XKR9: variants seen among roughly 807,000 people sequenced by gnomAD.
XKR9 encodes XK related 9.
Under a neutral mutation model 32.0 loss-of-function variants are expected in XKR9, and 32 were observed. That is an observed-to-expected ratio of 1.00 (90% CI 0.76 to 1.34). XKR9 has a LOEUF of 1.34. XKR9 is among the 40% of genes most tolerant of loss of function. XKR9 has a pLI of 0.00. For missense variants in XKR9, 546 were observed against 429.7 expected, an observed-to-expected ratio of 1.27 and a Z score of -2.39; for synonymous variants, 168 against 143.4, an observed-to-expected ratio of 1.17 and a Z score of -1.22.
the XKR9 span, among the ~76,000 whole-genome samples, chr8:70,851,073 C>A: frequency 3.3e-4 from 50 of 152,200 alleles, no homozygotes; most frequent in Non-Finnish European, 5.4e-4. Context: ...TGATAAGCAA[C>A]TTCAGCAAAG....
chr8:71,003,327 G>A, the XKR9 span, among the ~76,000 whole-genome samples: 2 of 152,256 alleles, frequency 1.3e-5, no homozygotes, highest in South Asian at 2.1e-4. Flanking sequence ...ATGAAATAAC[G>A]AGCAATTCTT....
the XKR9 span, among the ~76,000 whole-genome samples, chr8:71,022,339 T>C: frequency 6.6e-6 from 1 of 152,230 alleles, no homozygotes; most frequent in Non-Finnish European, 1.5e-5. Flanking sequence ...CTTTAGTTTT[T>C]GCTTGTCTGA....
chr8:70,875,295 C>T, the XKR9 span, among the ~76,000 whole-genome samples: 2 of 152,102 alleles, frequency 1.3e-5, no homozygotes, highest in Admixed American at 6.5e-5. Flanking sequence ...AGAATGCCTC[C>T]GTTTATAGCA....
the XKR9 span, among the ~76,000 whole-genome samples, chr8:70,926,819 G>A: frequency 6.6e-6 from 1 of 152,124 alleles, no homozygotes; most frequent in Non-Finnish European, 1.5e-5. Flanking sequence ...CCAGACTATA[G>A]ACTAGGAGTC....
chr8:70,693,343 G>C (rs192961767), intron 3 of XKR9, among the ~76,000 whole-genome samples: 1 of 152,090 alleles, frequency 6.6e-6, no homozygotes, highest in African/African-American at 2.4e-5. Flanking sequence ...AGCTTTGGGG[G>C]TATGATCCAG....
At chr8:70,899,076 G>T in the XKR9 span, among the ~76,000 whole-genome samples, 1,607 of 152,184 alleles carry the variant, frequency 0.011, 13 homozygotes, top group Non-Finnish European at 0.018. Flanking sequence ...ACTATGCCTA[G>T]CTAGAATTTT....
At chr8:70,704,076 G>A (rs187687698) in intron 3 of XKR9, among the ~76,000 whole-genome samples, 4 of 152,154 alleles carry the variant, frequency 2.6e-5, no homozygotes, top group African/African-American at 4.8e-5. Flanking sequence ...CAGCTACTCG[G>A]GAGGCTGAGG....
chr8:70,742,217 T>A (rs1370852132), intron 2 of XKR9, among the ~76,000 whole-genome samples: 1 of 152,190 alleles, frequency 6.6e-6, no homozygotes, highest in Non-Finnish European at 1.5e-5. Context: ...GGGCAAAAAC[T>A]CAGTAATATG....
the XKR9 span, among the ~76,000 whole-genome samples, chr8:70,919,819 G>A: frequency 6.6e-6 from 1 of 152,130 alleles, no homozygotes; most frequent in Non-Finnish European, 1.5e-5. Context: ...GCAGGAAAGG[G>A]GCACCAGATC....
intron 2 of XKR9, among the ~76,000 whole-genome samples, chr8:70,742,383 G>C (rs1025953200): frequency 6.6e-6 from 1 of 152,194 alleles, no homozygotes; most frequent in East Asian, 1.9e-4. Flanking sequence ...TTGTATGTTT[G>C]TGGGGTGAAG....
At chr8:71,041,218 G>A in the XKR9 span, among the ~76,000 whole-genome samples, 2 of 152,210 alleles carry the variant, frequency 1.3e-5, no homozygotes, top group African/African-American at 2.4e-5. Flanking sequence ...AAGAAAGACC[G>A]AGTTCCTGAT....
the XKR9 span, among the ~76,000 whole-genome samples, chr8:70,879,160 G>A: frequency 6.6e-6 from 1 of 151,974 alleles, no homozygotes; most frequent in Non-Finnish European, 1.5e-5. Flanking sequence ...TAAAGCAGTG[G>A]GTAGAGGCAA....
chr8:70,966,186 C>T, the XKR9 span, among the ~76,000 whole-genome samples: 1 of 152,090 alleles, frequency 6.6e-6, no homozygotes, highest in Non-Finnish European at 1.5e-5. Flanking sequence ...AGGAGTCATT[C>T]AGTAGCAGGT....
At chr8:70,998,202 C>T in the XKR9 span, among the ~76,000 whole-genome samples, 1 of 152,200 alleles carries the variant, frequency 6.6e-6, no homozygotes, top group Admixed American at 6.5e-5. Context: ...CCTTTTATCA[C>T]CCGGTATATT....
the XKR9 span, among the ~76,000 whole-genome samples, chr8:70,868,483 C>T: frequency 4.6e-5 from 7 of 150,962 alleles, no homozygotes; most frequent in African/African-American, 7.3e-5. Flanking sequence ...GGGCTTCCAC[C>T]CTCTGAAGCT....
chr8:70,734,278 G>A lies in XKR9; in HGVS notation c.976G>A (p.Val326Ile), dbSNP rs1202608340. The part of the protein sequence containing the change: ...DYFIPISITI[V>I]LTLLLGILFL... ...TTTTATACCTATCAGTATAACTATAGTTCTTACTCTTCTTCTTGGAATTCT... is the reference window on the plus strand; with the variant it reads ...TTTTATACCTATCAGTATAACTATAATTCTTACTCTTCTTCTTGGAATTCT... The change falls in exon 5 of 5, where the codon GTT (valine) becomes ATT (isoleucine). Residue 326 changes from valine (V) to isoleucine (I), a missense_variant. Transcript: ENST00000408926. 5 of 1,612,632 alleles carry A rather than the reference G, an allele frequency of 3.1e-6. No individual in the cohort carries two copies. Among genetic ancestry groups the A allele is most frequent in the Admixed American group, 3.3e-5 (2 of 59,870 alleles).
chr8:70,792,516 C>G (rs944167951), downstream of XKR9, among the ~76,000 whole-genome samples: 1 of 152,040 alleles, frequency 6.6e-6, no homozygotes. Flanking sequence ...GGAAATCAAT[C>G]AGTCAACAAA....
intron 4 of XKR9, among the ~76,000 whole-genome samples, chr8:70,717,585 C>G (rs904923275): frequency 6.6e-6 from 1 of 152,128 alleles, no homozygotes; most frequent in Non-Finnish European, 1.5e-5. Context: ...GGAACCATGT[C>G]CTGAGGCTGC....
At chr8:71,014,088 C>T in the XKR9 span, among the ~76,000 whole-genome samples, 2 of 152,130 alleles carry the variant, frequency 1.3e-5, no homozygotes, top group African/African-American at 4.8e-5. Context: ...CCGGAGTTTT[C>T]ATGAGTCCAT....
Sources: gnomAD v4.1 joint callset for allele counts (sites outside exome capture counted in the v4.1 genomes callset) on GRCh38, gnomAD v4.1.1 for gene constraint, MANE v1.5 for transcripts, NCBI Gene and HGNC (gene_info 2026-07-23, HGNC 2026-07-21) for gene names.